The following GSTA3 variants were observed in gnomAD, a reference collection of about 807,000 sequenced individuals.
GSTA3 encodes the protein glutathione S-transferase alpha 3.
A neutral mutation model predicts 23.1 loss-of-function variants in GSTA3; 16 were observed. The observed-to-expected ratio is 0.69, with a 90% CI of 0.47 to 1.05. The LOEUF (loss-of-function observed/expected upper bound fraction) is 1.05. Among genes scored for constraint, GSTA3 ranks in the 50% least tolerant of loss-of-function variants. The probability of loss-of-function intolerance (pLI) is 0.00; values close to 1 mark genes in which losing one functional copy is unlikely to be tolerated. For missense variants in GSTA3, 319 were observed against 263.6 expected (o/e 1.21, Z -1.46); for synonymous variants, 122 against 91.0 (o/e 1.34, Z -1.94).
At chr6:52,903,071 T>A (rs542113) in intron 3 of GSTA3, among the ~76,000 whole-genome samples, 67,172 of 151,876 alleles carry the variant, frequency 0.44, 16,531 homozygotes, top group African/African-American at 0.64. Flanking sequence ...GCTGATGACC[T>A]CAGCTCATTC....
At chr6:52,904,004 T>A (rs1198533737) in intron 2 of GSTA3, among the ~76,000 whole-genome samples, 2 of 152,124 alleles carry the variant, frequency 1.3e-5, no homozygotes, top group African/African-American at 2.4e-5. Context: ...TTTATTTTTT[T>A]GAGACAGAGT....
At chr6:52,897,657 T>G (rs1765502496) in intron 6 of GSTA3, among the ~76,000 whole-genome samples, 168 bp downstream of exon 6, 1 of 151,612 alleles carries the variant, frequency 6.6e-6, no homozygotes, top group Non-Finnish European at 1.5e-5. Flanking sequence ...AGAACAAGAG[T>G]CTTTTCATGC....
chr6:52,900,155 G>A (rs2127356428), intron 4 of GSTA3, 80 bp from the exon 5 acceptor site: 1 of 1,228,480 alleles, frequency 8.1e-7, no homozygotes, highest in East Asian at 2.4e-5. Context: ...AGAGAATAGA[G>A]GGTCAGATGG....
rs779594980 is a variant in GSTA3 at position 52,905,756 on chromosome 6, C to T, written c.79G>A (p.Gly27Arg). Residue 27 changes from glycine (G) to arginine (R), a missense_variant, in exon 2 of 7, where the codon GGA (glycine) becomes AGA (arginine). By Grantham distance (125) the Gly-to-Arg change is moderately radical. Transcript: ENST00000211122. The stretch of plus-strand genomic sequence containing the variant: ...CCTAACTTAGAACATACCTCCACTC[C>T]AGCTGCAGCCAAGAGCCACCGGATG... ...EPIRWLLAAA[G>R]VEFEEKFIGS... 10 of 1,594,838 alleles carry T rather than the reference C, an allele frequency of 6.3e-6. No individual in the cohort carries two copies. Among genetic ancestry groups the T allele is most frequent in the Non-Finnish European group, 8.6e-6 (10 of 1,163,996 alleles).
chr6:52,900,268 T>C lies in GSTA3; in HGVS notation c.273-193A>G, dbSNP rs572177950. Among the ~76,000 whole-genome samples the C allele has an allele frequency of 4.0e-4, 60 of 150,066 alleles. 1 individual carries two copies. Among genetic ancestry groups the C allele is most frequent in the Admixed American group, 1.1e-3 (17 of 15,104 alleles). ...TTTCCTTCTTTCTTTCTTTTTCTTT[T>C]TTTTTTTTTTTTGAGATGGAGTTTC... On this transcript the variant is annotated intron_variant, in intron 4 of 6. Coordinates refer to ENST00000211122, the MANE Select transcript of GSTA3 (RefSeq NM_000847.5).
At chr6:52,901,958 C>T (rs1402185005) in intron 4 of GSTA3, among the ~76,000 whole-genome samples, 1 of 152,146 alleles carries the variant, frequency 6.6e-6, no homozygotes, top group Admixed American at 6.5e-5. Context: ...TCTTTGCAGT[C>T]TTCCCTCCCC....
chr6:52,900,741 T>C (rs1281525316), intron 4 of GSTA3, among the ~76,000 whole-genome samples: 4 of 152,300 alleles, frequency 2.6e-5, no homozygotes, highest in Middle Eastern at 3.4e-3. Flanking sequence ...ATCATCTCCA[T>C]TGTGGTTTGT....
At chr6:52,900,348 C>T (rs1016327169) in intron 4 of GSTA3, among the ~76,000 whole-genome samples, 10 of 149,946 alleles carry the variant, frequency 6.7e-5, no homozygotes, top group African/African-American at 2.5e-4. Flanking sequence ...CTGCCACCTT[C>T]GCCTCCAGGG....
chr6:52,900,223 T>C (rs1175253240), intron 4 of GSTA3, 148 bp from the exon 5 acceptor site: 1 of 563,270 alleles, frequency 1.8e-6, no homozygotes, highest in African/African-American at 2.0e-5. Context: ...TATGCTCTGA[T>C]TTTTGCATGT....
At chr6:52,898,634 G>C (rs1181495831) in intron 5 of GSTA3, among the ~76,000 whole-genome samples, 2 of 152,084 alleles carry the variant, frequency 1.3e-5, no homozygotes, top group African/African-American at 4.8e-5. Context: ...CTCATTTCCT[G>C]TTCTATCTCC....
At chr6:52,900,780 T>TG (rs1253562701) in intron 4 of GSTA3, among the ~76,000 whole-genome samples, 1 of 152,226 alleles carries the variant, frequency 6.6e-6, no homozygotes, top group Admixed American at 6.5e-5. Flanking sequence ...GTGAGTCAAA[T>TG]GGCCAAAGAC....
Position 52,899,939 on chromosome 6 carries a change from C to G in GSTA3, c.409G>C (p.Glu137Gln). The G allele has an allele frequency of 6.2e-7, 1 of 1,613,516 alleles. No individual in the cohort carries two copies. Among genetic ancestry groups the G allele is most frequent in the South Asian group, 1.1e-5 (1 of 90,938 alleles). ...KTKSRYFPAFEKVLQSHGQDY... is the reference protein window; with the variant it reads ...KTKSRYFPAFQKVLQSHGQDY... ...TGCTGAACAGCTTCACCTACTTTTT[C>G]GAAGGCAGGGAAATAGCGACTTTTT... is the stretch of plus-strand genomic sequence containing the variant. The change falls in exon 5 of 7, where the codon GAA becomes CAA. Residue 137 changes from glutamate to glutamine, a missense_variant. Coordinates refer to ENST00000211122, the MANE Select transcript of GSTA3 (RefSeq NM_000847.5).
At position 52,902,442 on chromosome 6, in the gene GSTA3, T is replaced by C; in HGVS notation, c.176A>G (p.Glu59Gly). The C allele has an allele frequency of 1.9e-6, 3 of 1,613,752 alleles. No homozygotes were observed. Among genetic ancestry groups the C allele is most frequent in the Non-Finnish European group, 2.5e-6 (3 of 1,179,814 alleles). ...SLMFQQVPMV[E>G]IDGMKLVQTR... Reference sequence around the variant, plus strand: ...CTGTACCAACTTCATCCCATCAATCTCAACCATTGGTACTTGCTGGAACAT... The same window carrying C: ...CTGTACCAACTTCATCCCATCAATCCCAACCATTGGTACTTGCTGGAACAT... Residue 59 changes from glutamate to glycine, a missense_variant, in exon 4 of 7, where the codon GAG becomes GGG. Transcript: ENST00000211122.
chr6:52,896,874 C>T lies in GSTA3; in HGVS notation c.601G>A (p.Gly201Ser). The T allele has an allele frequency of 6.2e-7, 1 of 1,614,102 alleles. No individual in the cohort carries two copies. The highest frequency in any genetic ancestry group is 8.5e-7 in the Non-Finnish European group (1 of 1,179,968). The change falls in exon 7 of 7, where the codon GGC (glycine) becomes AGC (serine). Residue 201 changes from glycine (G) to serine (S), a missense_variant. By Grantham distance (56) the Gly-to-Ser change is moderately conservative. Transcript: ENST00000211122. Reference protein sequence around the residue: ...LPTVKKFLQPGSPRKPPADAK... With the variant: ...LPTVKKFLQPSSPRKPPADAK... ...TCTGCGGGAGGCTTCCTTGGGCTGC[C>T]AGGCTGTAGAAACTTCTTCACCGTG...
At chr6:52,898,921 A>T (rs1581857425) in intron 5 of GSTA3, among the ~76,000 whole-genome samples, 2 of 152,242 alleles carry the variant, frequency 1.3e-5, no homozygotes, top group East Asian at 1.9e-4. Flanking sequence ...CACTGGCTAA[A>T]CTAATTCTGA....
At chr6:52,896,994 G>A in intron 6 of GSTA3, 66 bp from the exon 7 acceptor site, 1 of 1,599,254 alleles carries the variant, frequency 6.3e-7, no homozygotes, top group Non-Finnish European at 8.5e-7. Context: ...ATACCACCCA[G>A]GGAATTTGAC....
At chr6:52,908,885 C>T (rs529490909) in intron 1 of GSTA3, among the ~76,000 whole-genome samples, 4 of 151,912 alleles carry the variant, frequency 2.6e-5, no homozygotes, top group Admixed American at 6.6e-5. Context: ...GACTTTAAAC[C>T]CTGCTCACCC....
intron 2 of GSTA3, 146 bp from the exon 3 acceptor site, chr6:52,903,873 G>T: frequency 1.7e-6 from 1 of 599,724 alleles, no homozygotes; most frequent in Non-Finnish European, 3.0e-6. Flanking sequence ...AGCTGGTCAT[G>T]GCCGCTTGGA....
intron 1 of GSTA3, among the ~76,000 whole-genome samples, 193 bp downstream of exon 1, chr6:52,909,448 A>C (rs1480484151): frequency 6.6e-6 from 1 of 152,194 alleles, no homozygotes; most frequent in Non-Finnish European, 1.5e-5. Context: ...CTTGTTTTCT[A>C]AATTGTTGAA....
Sources: gnomAD v4.1 joint callset for allele counts (sites outside exome capture counted in the v4.1 genomes callset) on GRCh38, gnomAD v4.1.1 for gene constraint, MANE v1.5 for transcripts, NCBI Gene and HGNC (gene_info 2026-07-23, HGNC 2026-07-21) for gene names.